The following SHISA9 variants were observed in gnomAD, a reference collection of about 807,000 sequenced individuals.
SHISA9 encodes shisa family member 9, also known as protein shisa-9.
Under a neutral mutation model 38.0 loss-of-function variants are expected in SHISA9, and 13 were observed. The observed-to-expected ratio is 0.34, with a 90% CI of 0.22 to 0.54. SHISA9 has a LOEUF of 0.54. SHISA9 is among the 20% of genes least tolerant of loss of function. SHISA9 has a pLI of 0.91. For synonymous variants in SHISA9, 275 were observed against 242.0 expected (o/e 1.14, Z -1.27); for missense variants, 538 against 575.8 (o/e 0.93, Z 0.67).
At chr16:13,019,926 T>C (rs1234245654) in intron 2 of SHISA9, among the ~76,000 whole-genome samples, 2 of 98,658 alleles carry the variant, frequency 2.0e-5, no homozygotes, top group Admixed American at 2.2e-4. Context: ...TTTCTTTCTT[T>C]CTTTCTTTCT....
intron 2 of SHISA9, among the ~76,000 whole-genome samples, chr16:13,035,277 G>A (rs2073041210): frequency 6.6e-6 from 1 of 152,126 alleles, no homozygotes; most frequent in South Asian, 2.1e-4. Context: ...TCTATTTTTT[G>A]TAGGTAACTG....
chr16:13,487,361 C>A, the SHISA9 span, among the ~76,000 whole-genome samples: 1 of 152,214 alleles, frequency 6.6e-6, no homozygotes, highest in Non-Finnish European at 1.5e-5. Context: ...CAGGAAGCAT[C>A]ACATAAGCAT....
chr16:13,349,106 CAA>C, the SHISA9 span, among the ~76,000 whole-genome samples: 1 of 152,128 alleles, frequency 6.6e-6, no homozygotes, highest in Non-Finnish European at 1.5e-5. Flanking sequence ...GCTTTTGAAC[CAA>C]AGAGATAGAC....
At chr16:13,208,276 G>A (rs140827004) in intron 3 of SHISA9, among the ~76,000 whole-genome samples, 1 of 151,932 alleles carries the variant, frequency 6.6e-6, no homozygotes, top group African/African-American at 2.4e-5. Flanking sequence ...CCAACTCAGG[G>A]AAAAAACGGT....
At chr16:13,069,891 A>G (rs893354220) in intron 2 of SHISA9, among the ~76,000 whole-genome samples, 1 of 152,116 alleles carries the variant, frequency 6.6e-6, no homozygotes. Flanking sequence ...GGTGTCTATG[A>G]GGAATGAGTC....
intron 2 of SHISA9, among the ~76,000 whole-genome samples, chr16:13,028,175 T>G (rs1309836847): frequency 6.6e-6 from 1 of 152,126 alleles, no homozygotes; most frequent in Non-Finnish European, 1.5e-5. Flanking sequence ...GATCAAACTG[T>G]GTACTTAACA....
intron 2 of SHISA9, among the ~76,000 whole-genome samples, chr16:13,131,742 C>T (rs1384823532): frequency 6.6e-6 from 1 of 152,082 alleles, no homozygotes; most frequent in African/African-American, 2.4e-5. Flanking sequence ...ATGGAAAATC[C>T]CAAAAAAGGA....
the SHISA9 span, among the ~76,000 whole-genome samples, chr16:13,361,598 A>T: frequency 1.3e-5 from 2 of 152,210 alleles, no homozygotes; most frequent in Non-Finnish European, 2.9e-5. Flanking sequence ...AACTTGCCCA[A>T]GGTTGTTTGA....
chr16:13,110,766 G>T (rs1028335383), intron 2 of SHISA9, among the ~76,000 whole-genome samples: 1 of 152,208 alleles, frequency 6.6e-6, no homozygotes, highest in African/African-American at 2.4e-5. Context: ...GGGGAATTTG[G>T]TCTCAGACAG....
intron 1 of SHISA9, among the ~76,000 whole-genome samples, chr16:12,905,802 G>A (rs1201907108): frequency 1.3e-5 from 2 of 151,914 alleles, no homozygotes; most frequent in African/African-American, 4.8e-5. Context: ...CCTGGCCTGG[G>A]GTTGGCCAGG....
At chr16:12,957,190 T>A (rs1010911757) in intron 2 of SHISA9, among the ~76,000 whole-genome samples, 1 of 152,206 alleles carries the variant, frequency 6.6e-6, no homozygotes, top group Non-Finnish European at 1.5e-5. Context: ...CACCTTGACA[T>A]TCTTCTCTAG....
intron 2 of SHISA9, among the ~76,000 whole-genome samples, chr16:13,033,239 A>G (rs968503834): frequency 1.3e-5 from 2 of 152,106 alleles, no homozygotes; most frequent in African/African-American, 4.8e-5. Flanking sequence ...CTCCCCTACA[A>G]TTAGGGTGAA....
chr16:13,167,470 G>T (rs573630341), intron 2 of SHISA9, among the ~76,000 whole-genome samples: 1 of 152,086 alleles, frequency 6.6e-6, no homozygotes, highest in Non-Finnish European at 1.5e-5. Flanking sequence ...TACGTTTCTG[G>T]TAACTCCTTG....
the SHISA9 span, among the ~76,000 whole-genome samples, chr16:13,463,971 CA>C: frequency 6.6e-6 from 1 of 152,216 alleles, no homozygotes; most frequent in Non-Finnish European, 1.5e-5. Context: ...ACGTTATGCC[CA>C]AAGGCAATGC....
the SHISA9 span, among the ~76,000 whole-genome samples, chr16:13,279,439 C>T: frequency 2.0e-5 from 3 of 151,796 alleles, no homozygotes; most frequent in Admixed American, 6.6e-5. Flanking sequence ...AATCCATTGT[C>T]GCTTTGTTGA....
chr16:13,534,029 C>T, the SHISA9 span, among the ~76,000 whole-genome samples: 22 of 152,118 alleles, frequency 1.4e-4, no homozygotes, highest in Admixed American at 2.6e-4. Context: ...GTGATCCGCC[C>T]GCCTCAGCCT....
intron 2 of SHISA9, among the ~76,000 whole-genome samples, chr16:13,066,595 T>G (rs746194204): frequency 3.3e-5 from 5 of 152,240 alleles, no homozygotes; most frequent in Non-Finnish European, 7.3e-5. Context: ...GTCACCTAAC[T>G]TCTATAAGCC....
chr16:13,463,621 C>A, the SHISA9 span, among the ~76,000 whole-genome samples: 1 of 152,214 alleles, frequency 6.6e-6, no homozygotes, highest in South Asian at 2.1e-4. Flanking sequence ...TGAATAGGTA[C>A]AAACCAGGAA....
At chr16:13,440,284 T>A in the SHISA9 span, among the ~76,000 whole-genome samples, 64 of 152,372 alleles carry the variant, frequency 4.2e-4, no homozygotes, top group African/African-American at 1.5e-3. Context: ...TCCATGGAAC[T>A]CTAATCCCGT....
Sources: gnomAD v4.1 joint callset for allele counts (sites outside exome capture counted in the v4.1 genomes callset) on GRCh38, gnomAD v4.1.1 for gene constraint, MANE v1.5 for transcripts, NCBI Gene and HGNC (gene_info 2026-07-23, HGNC 2026-07-21) for gene names.